The following FHIT variants were observed in gnomAD, a reference collection of about 807,000 sequenced individuals.
The protein encoded by FHIT is bis(5'-adenosyl)-triphosphatase.
A neutral mutation model predicts 17.9 loss-of-function variants in FHIT; 19 were observed. The ratio of observed to expected loss-of-function variants is 1.06; its 90% CI spans 0.74 to 1.56. The LOEUF is 1.56. FHIT is among the 40% of genes most tolerant of loss of function. The pLI is 0.00. For missense variants in FHIT, 248 were observed against 189.2 expected (o/e 1.31, Z -1.82); for synonymous variants, 81 against 69.7 (o/e 1.16, Z -0.81).
chr3:60,876,252 A>C (rs1480081520), intron 3 of FHIT, among the ~76,000 whole-genome samples: 1 of 152,146 alleles, frequency 6.6e-6, no homozygotes, highest in African/African-American at 2.4e-5. Flanking sequence ...GTAATGGAAC[A>C]ATCTGAGAAT....
At chr3:59,788,832 C>T (rs368087608) in intron 8 of FHIT, among the ~76,000 whole-genome samples, 24 of 142,722 alleles carry the variant, frequency 1.7e-4, no homozygotes, top group African/African-American at 6.2e-4. Flanking sequence ...GCTAGGTCTC[C>T]TCTCAGCCCA....
intron 7 of FHIT, among the ~76,000 whole-genome samples, chr3:59,987,754 G>A (rs769910499): frequency 1.3e-5 from 2 of 151,884 alleles, no homozygotes; most frequent in Non-Finnish European, 2.9e-5. Flanking sequence ...GCTATTAGGA[G>A]AAATTCACAT....
chr3:60,258,677 G>A (rs952020455), intron 5 of FHIT, among the ~76,000 whole-genome samples: 2 of 152,110 alleles, frequency 1.3e-5, no homozygotes, highest in Admixed American at 6.6e-5. Flanking sequence ...TCTATTGAAT[G>A]AATTTTACGT....
intron 4 of FHIT, among the ~76,000 whole-genome samples, chr3:60,691,005 G>C (rs1425167189): frequency 1.3e-5 from 2 of 152,076 alleles, no homozygotes; most frequent in African/African-American, 4.8e-5. Flanking sequence ...TTGTTTGCCT[G>C]TGTGTGTGAA....
chr3:60,433,584 G>A (rs1233812840), intron 5 of FHIT, among the ~76,000 whole-genome samples: 6 of 152,008 alleles, frequency 3.9e-5, no homozygotes, highest in Non-Finnish European at 1.5e-5. Flanking sequence ...CTTGGGTTTT[G>A]GGTTTGCTTT....
intron 5 of FHIT, among the ~76,000 whole-genome samples, chr3:60,512,642 T>G (rs1383032161): frequency 6.6e-6 from 1 of 152,220 alleles, no homozygotes; most frequent in African/African-American, 2.4e-5. Context: ...AAACTTGGCA[T>G]TGTCATTAGT....
chr3:59,822,425 G>T (rs1467123223), intron 8 of FHIT, among the ~76,000 whole-genome samples: 1 of 152,004 alleles, frequency 6.6e-6, no homozygotes, highest in Non-Finnish European at 1.5e-5. Flanking sequence ...CAGTGTAGAG[G>T]TGTTCCCTTT....
At position 61,188,351 on chromosome 3, in the gene FHIT, G is replaced by A. The variant is rs966606046; in HGVS notation, c.-164+12266C>T. ...ATCTAGAAGAATTTGATAAATTCCC[G>A]GACACATACAACCTCCCAAGACTAA... On this transcript the variant is annotated intron_variant, in intron 2 of 9. Transcript: ENST00000492590. Among the ~76,000 whole-genome samples, 132 of 152,036 alleles carry A rather than the reference G, an allele frequency of 8.7e-4. 3 individuals are homozygous for A. The highest frequency in any genetic ancestry group is 3.9e-4 in the East Asian group (2 of 5,184).
At chr3:60,306,799 T>C (rs759497730) in intron 5 of FHIT, among the ~76,000 whole-genome samples, 1 of 152,178 alleles carries the variant, frequency 6.6e-6, no homozygotes, top group Non-Finnish European at 1.5e-5. Context: ...CTAATCACAC[T>C]TGGCATGTTT....
At chr3:60,346,605 C>T (rs113435206) in intron 5 of FHIT, among the ~76,000 whole-genome samples, 1,591 of 152,204 alleles carry the variant, frequency 0.01, 28 homozygotes, top group Middle Eastern at 0.048. Flanking sequence ...TTTTCCTTTT[C>T]GCCAAATAAA....
At chr3:60,350,042 A>C (rs1711007139) in intron 5 of FHIT, among the ~76,000 whole-genome samples, 1 of 152,202 alleles carries the variant, frequency 6.6e-6, no homozygotes, top group Admixed American at 6.5e-5. Context: ...TGTAGGAGCC[A>C]CTCACCAGAA....
chr3:60,826,656 G>T (rs1387276666), intron 3 of FHIT, among the ~76,000 whole-genome samples: 1 of 152,106 alleles, frequency 6.6e-6, no homozygotes, highest in African/African-American at 2.4e-5. Flanking sequence ...AGTTCAGCCC[G>T]CAGAGGGAAC....
chr3:60,704,868 T>C (rs982904199), intron 4 of FHIT, among the ~76,000 whole-genome samples: 7 of 146,982 alleles, frequency 4.8e-5, no homozygotes, highest in African/African-American at 1.6e-4. Context: ...CTCAGAGATA[T>C]CTTGAGAGGC....
At chr3:60,925,654 A>G (rs1707556165) in intron 3 of FHIT, among the ~76,000 whole-genome samples, 1 of 152,198 alleles carries the variant, frequency 6.6e-6, no homozygotes. Flanking sequence ...TGCATCAACT[A>G]ATGAGCAAAA....
At chr3:60,088,523 C>T (rs1703595448) in intron 5 of FHIT, among the ~76,000 whole-genome samples, 1 of 152,136 alleles carries the variant, frequency 6.6e-6, no homozygotes, top group South Asian at 2.1e-4. Context: ...ATGGAAACCC[C>T]AACTCTAATT....
chr3:61,107,001 T>C (rs1415010173), intron 2 of FHIT, among the ~76,000 whole-genome samples: 1 of 152,164 alleles, frequency 6.6e-6, no homozygotes, highest in South Asian at 2.1e-4. Context: ...AAATTTATTC[T>C]GTAGTGCTTT....
At chr3:59,800,267 CAAT>C (rs1699941262) in intron 8 of FHIT, among the ~76,000 whole-genome samples, 1 of 151,792 alleles carries the variant, frequency 6.6e-6, no homozygotes, top group African/African-American at 2.4e-5. Flanking sequence ...ACATGTCAGA[CAAT>C]AATTTAATTG....
chr3:60,978,871 G>A (rs1038662583), intron 3 of FHIT, among the ~76,000 whole-genome samples: 2 of 152,122 alleles, frequency 1.3e-5, no homozygotes, highest in African/African-American at 4.8e-5. Context: ...CTCTTCCTTA[G>A]ATCTACAGCT....
At chr3:60,713,402 G>T (rs2041593730) in intron 4 of FHIT, among the ~76,000 whole-genome samples, 1 of 150,720 alleles carries the variant, frequency 6.6e-6, no homozygotes, top group East Asian at 2.0e-4. Flanking sequence ...TCAAAAGCTA[G>T]CAGAAGGCAA....
Sources: gnomAD v4.1 joint callset for allele counts (sites outside exome capture counted in the v4.1 genomes callset) on GRCh38, gnomAD v4.1.1 for gene constraint, MANE v1.5 for transcripts, NCBI Gene and HGNC (gene_info 2026-07-23, HGNC 2026-07-21) for gene names.